IP6K1: variants seen among roughly 807,000 people sequenced by gnomAD.
IP6K1 encodes the protein inositol hexakisphosphate kinase 1, also known as ATP:1D-myo-inositol-hexakisphosphate phosphotransferase.
Under a neutral mutation model 38.3 loss-of-function variants are expected in IP6K1, and 13 were observed. The observed-to-expected ratio is 0.34, with a 90% CI of 0.22 to 0.54. IP6K1 has a LOEUF of 0.54. Among genes scored for constraint, IP6K1 ranks in the 20% least tolerant of loss-of-function variants. The pLI is 0.92. For synonymous variants in IP6K1, 212 were observed against 229.9 expected (o/e 0.92, Z 0.70); for missense variants, 397 against 599.8 (o/e 0.66, Z 3.53).
At chr3:49,731,232 T>C (rs1405816504) in intron 4 of IP6K1, among the ~76,000 whole-genome samples, 2 of 152,180 alleles carry the variant, frequency 1.3e-5, no homozygotes, top group Non-Finnish European at 2.9e-5. Context: ...ATCTTATCTT[T>C]GAACTTTTGT....
At chr3:49,778,619 C>T (rs2081039159) in intron 1 of IP6K1, among the ~76,000 whole-genome samples, 1 of 151,802 alleles carries the variant, frequency 6.6e-6, no homozygotes. Flanking sequence ...GGCGACAAAG[C>T]GAGACTTCAT....
intron 1 of IP6K1, among the ~76,000 whole-genome samples, chr3:49,783,175 G>T (rs773599027): frequency 8.6e-5 from 13 of 151,904 alleles, no homozygotes; most frequent in Admixed American, 1.3e-4. Flanking sequence ...AGCATTTTGG[G>T]AGGCCAAGAC....
At chr3:49,753,415 C>G (rs548441058) in intron 1 of IP6K1, among the ~76,000 whole-genome samples, 1 of 152,170 alleles carries the variant, frequency 6.6e-6, no homozygotes, top group Non-Finnish European at 1.5e-5. Context: ...GCACCCTCCA[C>G]CCCCTTTAAT....
chr3:49,782,531 C>G (rs1168581257), intron 1 of IP6K1, among the ~76,000 whole-genome samples: 1 of 152,086 alleles, frequency 6.6e-6, no homozygotes, highest in Non-Finnish European at 1.5e-5. Flanking sequence ...CCATCACAAG[C>G]CAGGCACAGT....
intron 1 of IP6K1, chr3:49,786,132 C>T (rs922698867): frequency 6.6e-6 from 1 of 152,318 alleles, no homozygotes; most frequent in African/African-American, 2.4e-5. Context: ...CCGGCCAACC[C>T]TCAGGCACTG....
At chr3:49,756,119 T>C (rs1575317747) in intron 1 of IP6K1, among the ~76,000 whole-genome samples, 1 of 152,130 alleles carries the variant, frequency 6.6e-6, no homozygotes, top group African/African-American at 2.4e-5. Flanking sequence ...TATGTTGCCA[T>C]TTGTCTCTAA....
intron 1 of IP6K1, among the ~76,000 whole-genome samples, chr3:49,775,130 T>C (rs2080995295): frequency 6.6e-6 from 1 of 152,202 alleles, no homozygotes; most frequent in Admixed American, 6.6e-5. Flanking sequence ...CAAAGCCTTC[T>C]TGTGTTTAAA....
chr3:49,782,569 A>T (rs1575332565), intron 1 of IP6K1, among the ~76,000 whole-genome samples: 1 of 152,168 alleles, frequency 6.6e-6, no homozygotes, highest in East Asian at 1.9e-4. Flanking sequence ...TAGGAACCCG[A>T]GGCAGGAGGA....
At chr3:49,772,224 A>AAAT (rs1553696789) in intron 1 of IP6K1, among the ~76,000 whole-genome samples, 34 of 142,962 alleles carry the variant, frequency 2.4e-4, no homozygotes, top group South Asian at 4.4e-4. Context: ...TAAAAAAAAA[A>AAAT]ATATATATAT....
At chr3:49,776,444 G>A (rs567525599) in intron 1 of IP6K1, among the ~76,000 whole-genome samples, 1 of 152,034 alleles carries the variant, frequency 6.6e-6, no homozygotes, top group East Asian at 1.9e-4. Context: ...TTGAACCTGG[G>A]AGGCGGAGGT....
At chr3:49,777,673 G>A (rs2081029357) in intron 1 of IP6K1, among the ~76,000 whole-genome samples, 1 of 152,130 alleles carries the variant, frequency 6.6e-6, no homozygotes, top group Non-Finnish European at 1.5e-5. Flanking sequence ...CCAGCACTTT[G>A]GGAAGCCGAG....
intron 1 of IP6K1, among the ~76,000 whole-genome samples, chr3:49,775,825 A>G (rs9853352): frequency 0.087 from 13,186 of 152,088 alleles, 663 homozygotes; most frequent in Middle Eastern, 0.11. Context: ...GGCACACTGT[A>G]TTGGAGAAAA....
At chr3:49,751,515 G>A (rs1263712652) in intron 1 of IP6K1, among the ~76,000 whole-genome samples, 1 of 151,968 alleles carries the variant, frequency 6.6e-6, no homozygotes, top group African/African-American at 2.4e-5. Context: ...GTCCACAGAG[G>A]CTACTGTGAA....
chr3:49,748,200 A>G (rs2080739956), intron 1 of IP6K1, 32 bp from the exon 2 acceptor site: 1 of 726,348 alleles, frequency 1.4e-6, no homozygotes. Context: ...GAAGGAATCA[A>G]AACACTGGGT....
At position 49,778,943 on chromosome 3, in the gene IP6K1, A is replaced by G. The variant is rs79800677; in HGVS notation, c.-129+7411T>C. Among the ~76,000 whole-genome samples, 152 of 152,296 alleles carry G rather than the reference A, an allele frequency of 1.0e-3. No individual in the cohort carries two copies. The Middle Eastern group carries it at 0.024, about 24-fold the overall frequency. ...TCCAGCCAATACGTTTTTAATTAAC[A>G]GCTTTATTGATATATTATTCACACA... On this transcript the variant is annotated intron_variant, in intron 1 of 5. Coordinates refer to ENST00000321599, the MANE Select transcript of IP6K1 (RefSeq NM_153273.4).
chr3:49,748,222 T>C, intron 1 of IP6K1, 54 bp from the exon 2 acceptor site: 1 of 635,516 alleles, frequency 1.6e-6, no homozygotes, highest in Non-Finnish European at 2.7e-6. Flanking sequence ...AGTCACAATT[T>C]CCCTGGAGCT....
chr3:49,726,991 A>C lies in IP6K1; in HGVS notation c.*131T>G, dbSNP rs1262775610. On this transcript the variant is annotated 3_prime_UTR_variant, in exon 6 of 6. Coordinates refer to ENST00000321599, the MANE Select transcript of IP6K1 (RefSeq NM_153273.4). ...TGGATTCCAGGCTACAGCTAAAAAC[A>C]TTTCTTTTAGTTTACACCAAAGAGA... is the stretch of plus-strand genomic sequence containing the variant. 10 of 969,170 alleles carry C rather than the reference A, an allele frequency of 1.0e-5. No homozygotes were observed. Among genetic ancestry groups the C allele is most frequent in the Non-Finnish European group, 6.2e-6 (4 of 649,878 alleles). The allele number at this position is 969,170 out of a possible 1,614,324, so 60.0% of individuals were successfully genotyped here.
intron 4 of IP6K1, among the ~76,000 whole-genome samples, chr3:49,729,722 T>A (rs2080547120): frequency 6.6e-6 from 1 of 151,128 alleles, no homozygotes; most frequent in South Asian, 2.1e-4. Context: ...TATTATTATT[T>A]ATTTTTATTT....
At chr3:49,758,790 C>G (rs928177456) in intron 1 of IP6K1, 2 of 152,098 alleles carry the variant, frequency 1.3e-5, no homozygotes, top group Non-Finnish European at 2.9e-5. Flanking sequence ...GGTGAAACCT[C>G]ATCTCTACTA....
Sources: allele counts gnomAD v4.1 joint callset (sites outside exome capture counted in the v4.1 genomes callset), GRCh38; gene constraint gnomAD v4.1.1; transcripts MANE v1.5; gene names NCBI Gene and HGNC (gene_info 2026-07-23, HGNC 2026-07-21).